Variants in PXT1 observed in about 807,000 individuals in gnomAD.
PXT1 encodes the protein peroxisomal testis-specific protein 1.
A neutral mutation model predicts 11.0 loss-of-function variants in PXT1; 11 were observed. That is an observed-to-expected ratio of 1.00 (90% CI 0.63 to 1.66). PXT1 has a LOEUF of 1.66. Among genes scored for constraint, PXT1 ranks in the 40% most tolerant of loss-of-function variants. PXT1 has a pLI of 0.00. For missense variants in PXT1, 141 were observed against 155.5 expected (o/e 0.91, Z 0.49); for synonymous variants, 43 against 51.4 (o/e 0.84, Z 0.70).
intron 1 of PXT1, among the ~76,000 whole-genome samples, chr6:36,439,635 T>C (rs1774825933): frequency 2.3e-5 from 2 of 85,318 alleles, no homozygotes; most frequent in East Asian, 3.6e-4. Flanking sequence ...ACAACACTCA[T>C]ATAAGGCTGA....
intron 3 of PXT1, among the ~76,000 whole-genome samples, chr6:36,410,208 TG>T (rs965052809): frequency 1.3e-5 from 2 of 151,138 alleles, no homozygotes; most frequent in East Asian, 4.0e-4. Flanking sequence ...CCCAGCACTT[TG>T]GGAGGCCGAG....
chr6:36,401,735 C>T (rs1243533589), intron 3 of PXT1, among the ~76,000 whole-genome samples: 1 of 151,036 alleles, frequency 6.6e-6, no homozygotes, highest in Non-Finnish European at 1.5e-5. Context: ...TTAATTAAAA[C>T]TTAAAATTCA....
intron 3 of PXT1, among the ~76,000 whole-genome samples, chr6:36,419,312 T>G (rs1447928056): frequency 6.6e-6 from 1 of 152,196 alleles, no homozygotes; most frequent in East Asian, 1.9e-4. Flanking sequence ...TCATAACTAA[T>G]TATCACTTGA....
intron 2 of PXT1, among the ~76,000 whole-genome samples, chr6:36,430,683 G>T (rs1774679296): frequency 6.6e-6 from 1 of 152,202 alleles, no homozygotes; most frequent in South Asian, 2.1e-4. Context: ...AGATAAATTT[G>T]TATTGTATTA....
Position 36,402,528 on chromosome 6 carries a change from C to T in PXT1, c.170-1944G>A, listed in dbSNP as rs115796208. Among the ~76,000 whole-genome samples the T allele has an allele frequency of 2.6e-3, 393 of 152,210 alleles. 2 individuals carry two copies. Among genetic ancestry groups the T allele is most frequent in the African/African-American group, 8.9e-3 (368 of 41,514 alleles). On this transcript the variant is annotated intron_variant, in intron 3 of 4. Coordinates refer to ENST00000454782, the MANE Select transcript of PXT1 (RefSeq NM_152990.4). The stretch of plus-strand genomic sequence containing the variant: ...AAGAACGAGGTTTGCACAGATGGGT[C>T]AGGAAGACATCTGAAACGAAGTAGG...
intron 3 of PXT1, among the ~76,000 whole-genome samples, chr6:36,409,607 C>G (rs1774336729): frequency 6.6e-6 from 1 of 152,118 alleles, no homozygotes; most frequent in South Asian, 2.1e-4. Context: ...GGGAGGATCA[C>G]TTGAGGCCAG....
chr6:36,400,318 T>A, intron 4 of PXT1, 136 bp downstream of exon 4: 1 of 1,084,558 alleles, frequency 9.2e-7, no homozygotes, highest in Non-Finnish European at 1.3e-6. Context: ...TGTTTAGATC[T>A]AACATTTGGT....
At chr6:36,402,488 T>C (rs1202207615) in intron 3 of PXT1, among the ~76,000 whole-genome samples, 1 of 152,134 alleles carries the variant, frequency 6.6e-6, no homozygotes, top group East Asian at 1.9e-4. Context: ...AAACTACAAT[T>C]CAACATGTTA....
chr6:36,398,764 G>A (rs1774176020), intron 4 of PXT1, among the ~76,000 whole-genome samples: 1 of 152,034 alleles, frequency 6.6e-6, no homozygotes, highest in Non-Finnish European at 1.5e-5. Context: ...GTGTTCTCAT[G>A]GCTAGCTCCT....
At chr6:36,416,221 C>T (rs957530722) in intron 3 of PXT1, among the ~76,000 whole-genome samples, 6 of 151,926 alleles carry the variant, frequency 3.9e-5, no homozygotes, top group South Asian at 2.1e-4. Flanking sequence ...TGATGGAGTG[C>T]ACCTGTGGTC....
At chr6:36,410,488 G>A (rs1774357252) in intron 3 of PXT1, among the ~76,000 whole-genome samples, 1 of 149,744 alleles carries the variant, frequency 6.7e-6, no homozygotes, top group African/African-American at 2.5e-5. Context: ...AAGAAAGGAA[G>A]GGAGGAAGAG....
intron 3 of PXT1, among the ~76,000 whole-genome samples, chr6:36,416,116 C>G (rs1024042034): frequency 6.6e-6 from 1 of 151,774 alleles, no homozygotes; most frequent in Non-Finnish European, 1.5e-5. Context: ...AGGAGGATCA[C>G]TTGAGCCCAA....
chr6:36,397,992 G>A (rs1434137940), intron 4 of PXT1, among the ~76,000 whole-genome samples: 1 of 151,378 alleles, frequency 6.6e-6, no homozygotes, highest in Non-Finnish European at 1.5e-5. Flanking sequence ...TCCAGATTAG[G>A]CAACAGAGCA....
intron 3 of PXT1, among the ~76,000 whole-genome samples, chr6:36,413,173 C>T (rs1163571996): frequency 6.6e-6 from 1 of 152,132 alleles, no homozygotes; most frequent in Non-Finnish European, 1.5e-5. Context: ...AATCCCAGCA[C>T]TTTGGGAGGC....
At chr6:36,410,446 A>C (rs1327439702) in intron 3 of PXT1, among the ~76,000 whole-genome samples, 1 of 151,572 alleles carries the variant, frequency 6.6e-6, no homozygotes, top group Non-Finnish European at 1.5e-5. Context: ...GTGAAAAAAA[A>C]AAAGAAATGA....
chr6:36,403,294 T>C (rs966960519), intron 3 of PXT1, among the ~76,000 whole-genome samples: 8 of 152,272 alleles, frequency 5.3e-5, no homozygotes, highest in African/African-American at 1.7e-4. Context: ...CAAGTATGTC[T>C]GGCTGCAAAG....
intron 3 of PXT1, 72 bp downstream of exon 3, chr6:36,425,842 T>C: frequency 1.3e-6 from 1 of 795,634 alleles, no homozygotes; most frequent in East Asian, 3.3e-5. Context: ...AATGTCCAAT[T>C]TTATGGTCTT....
At chr6:36,397,213 C>T (rs912201921) in intron 4 of PXT1, among the ~76,000 whole-genome samples, 5 of 152,116 alleles carry the variant, frequency 3.3e-5, no homozygotes, top group Admixed American at 2.6e-4. Context: ...CAGAGGTTTC[C>T]GGCCAGAAAA....
intron 3 of PXT1, among the ~76,000 whole-genome samples, chr6:36,410,039 G>A (rs1385986850): frequency 6.6e-6 from 1 of 150,524 alleles, no homozygotes; most frequent in Non-Finnish European, 1.5e-5. Flanking sequence ...AGGGAGGGTG[G>A]CTGGGGGACT....
Sources: gnomAD v4.1 joint callset for allele counts (sites outside exome capture counted in the v4.1 genomes callset) on GRCh38, gnomAD v4.1.1 for gene constraint, MANE v1.5 for transcripts, NCBI Gene and HGNC (gene_info 2026-07-23, HGNC 2026-07-21) for gene names.